Variants in SLC38A7 observed in about 807,000 individuals in gnomAD.
SLC38A7 encodes the protein solute carrier family 38 member 7.
In SLC38A7, 29 loss-of-function variants were observed where a neutral mutation model predicts 50.1. The observed-to-expected ratio is 0.58, with a 90% CI of 0.43 to 0.79. The LOEUF is 0.79. Ranked by LOEUF, SLC38A7 falls within the 30% of genes least tolerant of loss-of-function variation. SLC38A7 has a pLI of 0.00. For synonymous variants in SLC38A7, 244 were observed against 245.9 expected (o/e 0.99, Z 0.07); for missense variants, 483 against 610.6 (o/e 0.79, Z 2.20).
In SLC38A7 at chr16:58,671,156, T is replaced by A. The variant is rs1567469891; in HGVS notation, c.1120A>T (p.Thr374Ser). The change falls in exon 10 of 12, where the codon ACG becomes TCG. Residue 374 changes from threonine to serine, a missense_variant. Coordinates refer to ENST00000219320, the MANE Select transcript of SLC38A7 (RefSeq NM_018231.3). Reference sequence around the variant, plus strand: ...AGGGTGAGCAGGAACCAGACCAGCGTCTGCAGCACTCGCCGCCGCCGCTCC... The same window carrying A: ...AGGGTGAGCAGGAACCAGACCAGCGACTGCAGCACTCGCCGCCGCCGCTCC... ...GRERRRRVLQ[T>S]LVWFLLTLLL... The A allele has an allele frequency of 6.2e-7, 1 of 1,613,904 alleles. No homozygotes were observed. Among genetic ancestry groups the A allele is most frequent in the Admixed American group, 1.7e-5 (1 of 60,002 alleles).
chr16:58,675,617 C>A (rs920013490), intron 8 of SLC38A7, among the ~76,000 whole-genome samples: 1 of 152,198 alleles, frequency 6.6e-6, no homozygotes, highest in Admixed American at 6.5e-5. Flanking sequence ...TCCCCAGTTA[C>A]TCCTGCATGA....
At chr16:58,676,951 G>C (rs375773611) in intron 6 of SLC38A7, among the ~76,000 whole-genome samples, 2,259 of 149,598 alleles carry the variant, frequency 0.015, 49 homozygotes, top group African/African-American at 0.052. Flanking sequence ...ATTGTGCCTG[G>C]CCCCCCCCCT....
chr16:58,670,966 G>T, intron 10 of SLC38A7, 79 bp downstream of exon 10: 1 of 1,476,730 alleles, frequency 6.8e-7, no homozygotes, highest in Non-Finnish European at 9.3e-7. Flanking sequence ...CATGTTTTGA[G>T]CAAGTAGGGA....
chr16:58,674,989 C>T (rs1166684953), intron 8 of SLC38A7, among the ~76,000 whole-genome samples: 1 of 152,198 alleles, frequency 6.6e-6, no homozygotes, highest in African/African-American at 2.4e-5. Flanking sequence ...CTGCCAGTGC[C>T]TGTCTGGCCT....
intron 7 of SLC38A7, 47 bp from the exon 8 acceptor site, chr16:58,676,101 CCA>C (rs776899273): frequency 2.5e-6 from 4 of 1,591,640 alleles, no homozygotes; most frequent in African/African-American, 1.3e-5. Flanking sequence ...GACCTCAACC[CCA>C]GTTTCCAGAG....
Position 58,667,496 on chromosome 16 carries a change from C to A in SLC38A7, c.1287-9G>T, listed in dbSNP as rs777819157. 1.1e-5 allele frequency: 17 copies of A among 1,600,870 alleles called. No individual in the cohort carries two copies. Among genetic ancestry groups the A allele is most frequent in the Non-Finnish European group, 1.1e-5 (13 of 1,173,586 alleles). On this transcript the variant is annotated splice_polypyrimidine_tract_variant and intron_variant, in intron 11 of 11. Transcript: ENST00000219320. ...TGACCAGCACCCACCAGCTGTAGAA[C>A]AGAGGGTGAGAGAGGTCTGATCAGT...
At chr16:58,674,917 C>T (rs191186361) in intron 8 of SLC38A7, among the ~76,000 whole-genome samples, 7 of 152,202 alleles carry the variant, frequency 4.6e-5, no homozygotes, top group Non-Finnish European at 1.0e-4. Flanking sequence ...CCCGAACCAC[C>T]CCCCTGCTTA....
intron 2 of SLC38A7, among the ~76,000 whole-genome samples, chr16:58,683,034 C>A (rs578220769): frequency 7.3e-5 from 11 of 151,266 alleles, no homozygotes; most frequent in African/African-American, 2.4e-4. Context: ...AAGCCCCCCA[C>A]GCCTGTCATG....
At position 58,680,183 on chromosome 16, in the gene SLC38A7, C is replaced by T. The variant is rs2044361022; in HGVS notation, c.-57G>A. On this transcript the variant is annotated 5_prime_UTR_variant, in exon 3 of 12. Coordinates refer to ENST00000219320, the MANE Select transcript of SLC38A7 (RefSeq NM_018231.3). ...TGGGTTCTGCCTTACAACCACATGC[C>T]TCAGGGAGCTGAGCAACACCCACCT... The T allele has an allele frequency of 2.7e-6, 4 of 1,488,036 alleles. No individual in the cohort carries two copies. The highest frequency in any genetic ancestry group is 2.7e-6 in the Non-Finnish European group (3 of 1,119,938). The allele number at this position is 1,488,036 out of a possible 1,614,324, so 92.2% of individuals were successfully genotyped here. A position where few individuals can be genotyped will look rare whatever the true frequency, so the allele number is the denominator to read the frequency against.
intron 8 of SLC38A7, among the ~76,000 whole-genome samples, chr16:58,674,145 A>T (rs1303504257): frequency 6.6e-6 from 1 of 151,704 alleles, no homozygotes; most frequent in African/African-American, 2.4e-5. Context: ...TAATTCTTTA[A>T]TTTTTGTAGA....
At chr16:58,673,083 A>ATTTTTTTTTTTTTT (rs34081609) in intron 8 of SLC38A7, among the ~76,000 whole-genome samples, 2 of 60,360 alleles carry the variant, frequency 3.3e-5, no homozygotes, top group African/African-American at 1.9e-4. Flanking sequence ...TGCCCGGCTA[A>ATTTTTTTTTTTTTT]TTTTTTTTTT....
In SLC38A7 at chr16:58,677,412, G is replaced by C. The variant is rs145553429; in HGVS notation, c.624C>G (p.Val208=). 196 of 1,613,920 alleles carry C rather than the reference G, an allele frequency of 1.2e-4. No homozygotes were observed. Among genetic ancestry groups the C allele is most frequent in the Non-Finnish European group, 1.6e-4 (183 of 1,179,982 alleles). The change falls in exon 6 of 12, where the codon GTC becomes GTG. Residue 208 remains valine, a synonymous_variant. Coordinates refer to ENST00000219320, the MANE Select transcript of SLC38A7 (RefSeq NM_018231.3). ...GFQKYASFLS[V]VGTWYVTAIV... ...TGGCTGTGACGTACCAGGTACCCAC[G>C]ACGCTCAGGAAGCTGCCGGGAAGGA...
chr16:58,680,697 G>A (rs924470513), intron 2 of SLC38A7, among the ~76,000 whole-genome samples: 16 of 152,112 alleles, frequency 1.1e-4, no homozygotes, highest in Admixed American at 7.2e-4. Flanking sequence ...GGTCCCAAAA[G>A]GACCCCTTAC....
At chr16:58,676,106 T>C in intron 7 of SLC38A7, 52 bp from the exon 8 acceptor site, 1 of 1,590,080 alleles carries the variant, frequency 6.3e-7, no homozygotes, top group Non-Finnish European at 8.6e-7. Context: ...CAACCCCAGT[T>C]TCCAGAGGAA....
intron 8 of SLC38A7, 73 bp from the exon 9 acceptor site, chr16:58,672,316 G>A (rs2044176107): frequency 5.5e-6 from 8 of 1,463,740 alleles, no homozygotes; most frequent in African/African-American, 1.4e-5. Context: ...CCTCCTAGGA[G>A]CAACATCAGC....
chr16:58,676,090 T>C, intron 7 of SLC38A7, 36 bp from the exon 8 acceptor site: 1 of 1,601,134 alleles, frequency 6.2e-7, no homozygotes, highest in Non-Finnish European at 8.5e-7. Context: ...GGTGGGGAAA[T>C]GACCTCAACC....
chr16:58,670,166 C>A lies in SLC38A7; in HGVS notation c.1233G>T (p.Gly411=), dbSNP rs1398338256. 2 of 1,614,080 alleles carry A rather than the reference C, an allele frequency of 1.2e-6. No individual in the cohort carries two copies. Among genetic ancestry groups the A allele is most frequent in the South Asian group, 2.2e-5 (2 of 91,070 alleles). ...AGAGTTTGGCTTGAATGAGGCACAG[C>A]CCTGAAAGAGAAGAAGTGGCCCTGA... ...LAACFIFVFP[G]LCLIQAKLSE... The change falls in exon 11 of 12, where the codon GGG becomes GGT. Residue 411 remains glycine (G), a splice_region_variant and synonymous_variant. Transcript: ENST00000219320.
At chr16:58,674,983 CA>C (rs1352507297) in intron 8 of SLC38A7, among the ~76,000 whole-genome samples, 2 of 152,176 alleles carry the variant, frequency 1.3e-5, no homozygotes, top group African/African-American at 4.8e-5. Context: ...ATCTGGCTGC[CA>C]GTGCCTGTCT....
intron 11 of SLC38A7, among the ~76,000 whole-genome samples, chr16:58,669,318 T>C (rs2044112873): frequency 6.6e-6 from 1 of 151,586 alleles, no homozygotes; most frequent in South Asian, 2.1e-4. Context: ...TTTCACCATG[T>C]TGGTCAGGCT....
Sources: allele counts gnomAD v4.1 joint callset (sites outside exome capture counted in the v4.1 genomes callset), GRCh38; gene constraint gnomAD v4.1.1; transcripts MANE v1.5; gene names NCBI Gene and HGNC (gene_info 2026-07-23, HGNC 2026-07-21).